NGEF: variants seen among roughly 807,000 people sequenced by gnomAD.
The protein encoded by NGEF is neuronal guanine nucleotide exchange factor, also known as ephexin-1.
In NGEF, 31 loss-of-function variants were observed where a neutral mutation model predicts 80.9. That is an observed-to-expected ratio of 0.38 (90% CI 0.29 to 0.52). NGEF has a LOEUF of 0.52. Among genes scored for constraint, NGEF ranks in the 20% least tolerant of loss-of-function variants. The pLI is 0.84. For synonymous variants in NGEF, 371 were observed against 370.2 expected, an observed-to-expected ratio of 1.00 and a Z score of -0.03; for missense variants, 709 against 926.2, an observed-to-expected ratio of 0.77 and a Z score of 3.04.
intron 3 of NGEF, among the ~76,000 whole-genome samples, chr2:232,966,994 T>A (rs1449417927): frequency 1.3e-5 from 2 of 152,148 alleles, no homozygotes; most frequent in African/African-American, 2.4e-5. Context: ...CAATTGTCCA[T>A]GGCTATAGTT....
intron 3 of NGEF, among the ~76,000 whole-genome samples, chr2:232,968,212 C>T (rs1427894307): frequency 6.6e-6 from 1 of 151,618 alleles, no homozygotes; most frequent in African/African-American, 2.4e-5. Flanking sequence ...CCTCAGCCTC[C>T]TGAGTAGCTG....
chr2:232,888,500 C>T (rs753915527), intron 8 of NGEF, among the ~76,000 whole-genome samples: 16 of 152,082 alleles, frequency 1.1e-4, no homozygotes, highest in Non-Finnish European at 2.4e-4. Context: ...CACACGTGTA[C>T]AAACATGCAT....
rs746365228 is a variant in NGEF at position 232,920,344 on chromosome 2, G to A, written c.768C>T (p.Pro256=). The A allele has an allele frequency of 6.8e-6, 11 of 1,613,976 alleles. No individual in the cohort carries two copies. Among genetic ancestry groups the A allele is most frequent in the African/African-American group, 4.0e-5 (3 of 74,906 alleles). ...CAAGCACCCCGCTGCTCCGGATCTC[G>A]GGAAGATCCTGCCAGAGGTTGAACC... is the stretch of plus-strand genomic sequence containing the variant. ...HSRFNLWQDL[P]EIRSSGVLEI... Residue 256 remains proline, a synonymous_variant, in exon 5 of 15, where the codon CCC becomes CCT. Transcript: ENST00000264051.
chr2:232,944,761 ATC>A (rs1693520126), intron 3 of NGEF, among the ~76,000 whole-genome samples: 1 of 123,440 alleles, frequency 8.1e-6, no homozygotes, highest in Non-Finnish European at 1.7e-5. Context: ...ATATATATAT[ATC>A]TTTTTGGAGA....
chr2:233,008,134 A>T (rs747030940), intron 1 of NGEF, among the ~76,000 whole-genome samples: 1 of 152,204 alleles, frequency 6.6e-6, no homozygotes, highest in Non-Finnish European at 1.5e-5. Context: ...AACTTCAAAT[A>T]CTTGGAAATT....
chr2:232,968,859 C>T (rs1016363470), intron 3 of NGEF, among the ~76,000 whole-genome samples: 3 of 152,242 alleles, frequency 2.0e-5, no homozygotes, highest in Non-Finnish European at 2.9e-5. Context: ...GCTGGTGCCA[C>T]GCCCTTCCCT....
chr2:232,888,477 GCA>G (rs754299508), intron 8 of NGEF, among the ~76,000 whole-genome samples: 16 of 151,798 alleles, frequency 1.1e-4, no homozygotes, highest in African/African-American at 1.7e-4. Context: ...CAAGCACAGT[GCA>G]CACACATGTA....
chr2:232,968,652 C>T (rs1413825531), intron 3 of NGEF, among the ~76,000 whole-genome samples: 5 of 151,914 alleles, frequency 3.3e-5, no homozygotes, highest in Admixed American at 6.6e-5. Context: ...GTGATCCACC[C>T]GCCTCAGTCT....
intron 10 of NGEF, 37 bp from the exon 11 acceptor site, chr2:232,884,181 A>G (rs1691601025): frequency 6.5e-7 from 1 of 1,537,432 alleles, no homozygotes; most frequent in Non-Finnish European, 8.7e-7. Context: ...GGCTGTGCCC[A>G]CAATGTCCCT....
At chr2:232,969,744 C>A (rs1474555057) in intron 3 of NGEF, among the ~76,000 whole-genome samples, 3 of 151,534 alleles carry the variant, frequency 2.0e-5, no homozygotes, top group African/African-American at 4.9e-5. Flanking sequence ...AAACTCCTGC[C>A]CTCAAGTGAT....
At chr2:232,895,668 G>A (rs562102408) in intron 5 of NGEF, among the ~76,000 whole-genome samples, 128 of 152,262 alleles carry the variant, frequency 8.4e-4, no homozygotes, top group African/African-American at 1.2e-3. Context: ...GCAGAAAAGC[G>A]TCAGGGGAAA....
intron 5 of NGEF, among the ~76,000 whole-genome samples, chr2:232,906,125 C>G (rs1411633566): frequency 1.8e-4 from 12 of 67,512 alleles, no homozygotes; most frequent in South Asian, 4.7e-4. Context: ...AGGTGGGGGT[C>G]TCAGCCCCCC....
intron 5 of NGEF, among the ~76,000 whole-genome samples, chr2:232,903,542 C>T (rs1435467328): frequency 6.6e-6 from 1 of 152,066 alleles, no homozygotes; most frequent in Non-Finnish European, 1.5e-5. Flanking sequence ...CCTTTTGCAC[C>T]TTTTGAACTT....
intron 3 of NGEF, among the ~76,000 whole-genome samples, chr2:232,944,759 A>ATATATATATATATC (rs1693519511): frequency 7.7e-6 from 1 of 129,342 alleles, no homozygotes; most frequent in Non-Finnish European, 1.6e-5. Flanking sequence ...ATATATATAT[A>ATATATATATATATC]TATCTTTTTG....
intron 3 of NGEF, among the ~76,000 whole-genome samples, chr2:232,966,338 C>T (rs1291704067): frequency 6.6e-6 from 1 of 152,216 alleles, no homozygotes; most frequent in Non-Finnish European, 1.5e-5. Flanking sequence ...CAGTTCACAG[C>T]TGGCTCTCTT....
chr2:232,978,369 G>T (rs536088355), intron 1 of NGEF, among the ~76,000 whole-genome samples: 2 of 151,952 alleles, frequency 1.3e-5, no homozygotes, highest in Admixed American at 1.3e-4. Context: ...AAAAATATTA[G>T]CTGGGCGTGG....
intron 5 of NGEF, among the ~76,000 whole-genome samples, chr2:232,913,374 GT>G (rs1692728893): frequency 6.6e-6 from 1 of 152,136 alleles, no homozygotes; most frequent in Non-Finnish European, 1.5e-5. Context: ...ATTCTTTTCA[GT>G]GTGTTAAGGA....
chr2:232,891,969 TGGCAGGGAC>T (rs910375946), intron 7 of NGEF, among the ~76,000 whole-genome samples: 1 of 14,712 alleles, frequency 6.8e-5, no homozygotes, highest in South Asian at 1.5e-3. Context: ...TCAGCAGGGA[TGGCAGGGAC>T]GGCAGGGACA....
chr2:232,915,033 A>T (rs895966583), intron 5 of NGEF, among the ~76,000 whole-genome samples: 1 of 151,960 alleles, frequency 6.6e-6, no homozygotes, highest in Non-Finnish European at 1.5e-5. Context: ...AAAAAAAAAA[A>T]AAGAACATTT....
Sources: allele counts gnomAD v4.1 joint callset (sites outside exome capture counted in the v4.1 genomes callset), GRCh38; gene constraint gnomAD v4.1.1; transcripts MANE v1.5; gene names NCBI Gene and HGNC (gene_info 2026-07-23, HGNC 2026-07-21).